CBX5: variants seen among roughly 807,000 people sequenced by gnomAD.
CBX5 encodes the protein chromobox protein homolog 5.
In CBX5, 7 loss-of-function variants were observed where a neutral mutation model predicts 20.7. The observed-to-expected ratio is 0.34, with a 90% CI of 0.19 to 0.63. The LOEUF is 0.63. Ranked by LOEUF, CBX5 falls within the 30% of genes least tolerant of loss-of-function variation. CBX5 has a pLI of 0.75. For synonymous variants in CBX5, 78 were observed against 77.0 expected (o/e 1.01, Z -0.07); for missense variants, 110 against 224.1 (o/e 0.49, Z 3.25).
intron 1 of CBX5, among the ~76,000 whole-genome samples, chr12:54,261,306 T>G (rs932911937): frequency 2.0e-5 from 3 of 151,220 alleles, no homozygotes; most frequent in Non-Finnish European, 4.4e-5. Flanking sequence ...CTTTTTTCTT[T>G]TTTTTTTTTG....
rs530519478 is a variant in CBX5 at position 54,275,641 on chromosome 12, C to T, written c.-43+4367G>A. Among the ~76,000 whole-genome samples, 5 of 152,146 alleles carry T rather than the reference C, an allele frequency of 3.3e-5. 1 individual carries two copies. The highest frequency in any genetic ancestry group is 1.2e-4 in the African/African-American group (5 of 41,496). On this transcript the variant is annotated intron_variant, in intron 1 of 4. Coordinates refer to ENST00000209875, the MANE Select transcript of CBX5 (RefSeq NM_012117.3). ...TAGGATTTCTAACTCTGTGATAGTA[C>T]CAGAATTTCAATGAAAAATTACCCA...
rs761736549 is a variant in CBX5, at chr12:54,240,991, GCA to G, written c.*762_*763del. ...CCTCATGTACTATAGCTACAAATCT[GCA>G]CAGTTAATAATCTTGTCATTTTATC... On this transcript the variant is annotated 3_prime_UTR_variant, in exon 5 of 5. Transcript: ENST00000209875. 1 of 152,224 alleles carries G rather than the reference GCA, an allele frequency of 6.6e-6. No individual in the cohort carries two copies. The highest frequency in any genetic ancestry group is 6.5e-5 in the Admixed American group (1 of 15,278). 9.4% of individuals were successfully genotyped at this position (152,224 alleles called of 1,614,324 possible). A position where few individuals can be genotyped will look rare whatever the true frequency, so the allele number is the denominator to read the frequency against.
intron 2 of CBX5, among the ~76,000 whole-genome samples, chr12:54,254,423 G>A (rs1023099990): frequency 5.9e-5 from 9 of 151,556 alleles, no homozygotes; most frequent in Admixed American, 2.0e-4. Context: ...GCAGAAAGAC[G>A]GAAAAATCTG....
chr12:54,252,409 G>T lies in CBX5; in HGVS notation c.138-182C>A, dbSNP rs1271872867. 16 of 434,796 alleles carry T rather than the reference G, an allele frequency of 3.7e-5. No individual in the cohort carries two copies. In the East Asian group the frequency reaches 6.1e-4, roughly 17 times the overall value. The allele number at this position is 434,796 out of a possible 1,614,324, so 26.9% of individuals were successfully genotyped here. A position where few individuals can be genotyped will look rare whatever the true frequency, so the allele number is the denominator to read the frequency against. ...CAGGAAAAATGAAAAAAAAAAAAAA[G>T]CCCACACAAAGACTTATTTACAATT... On this transcript the variant is annotated intron_variant, in intron 2 of 4. Coordinates refer to ENST00000209875, the MANE Select transcript of CBX5 (RefSeq NM_012117.3).
chr12:54,268,738 T>C (rs538390918), intron 1 of CBX5, among the ~76,000 whole-genome samples: 2 of 152,308 alleles, frequency 1.3e-5, no homozygotes, highest in South Asian at 4.1e-4. Flanking sequence ...AAGGTTGTTA[T>C]AGAAAAGGTA....
chr12:54,242,292 G>A lies in CBX5; in HGVS notation c.426-387C>T, dbSNP rs1361219835. 7.9e-5 allele frequency among the ~76,000 whole-genome samples: 12 copies of A among 152,174 alleles called. No individual in the cohort carries two copies. In the South Asian group the frequency reaches 8.3e-4, roughly 11 times the overall value. On this transcript the variant is annotated intron_variant, in intron 4 of 4. Coordinates refer to ENST00000209875, the MANE Select transcript of CBX5 (RefSeq NM_012117.3). ...TGTAATCCCAGCACTTTGGGAGGCC[G>A]AGGCGGGTGGATCACGAGGTCAGGA...
chr12:54,252,727 G>A (rs1234680529), intron 2 of CBX5, among the ~76,000 whole-genome samples: 5 of 152,152 alleles, frequency 3.3e-5, no homozygotes, highest in African/African-American at 4.8e-5. Flanking sequence ...GCTCACACCT[G>A]TAATCCCAGC....
Position 54,257,683 on chromosome 12 carries a change from C to T in CBX5, c.-33G>A. Reference sequence around the variant, plus strand: ...ACCGTTCCACCTGAAAGACTAAGGCCACCAGGTCCCTGCAAAGGCAAAGGA... The same window carrying T: ...ACCGTTCCACCTGAAAGACTAAGGCTACCAGGTCCCTGCAAAGGCAAAGGA... On this transcript the variant is annotated 5_prime_UTR_variant, in exon 2 of 5. Coordinates refer to ENST00000209875, the MANE Select transcript of CBX5 (RefSeq NM_012117.3). The T allele has an allele frequency of 1.2e-6, 2 of 1,613,458 alleles. No homozygotes were observed. The highest frequency in any genetic ancestry group is 1.7e-6 in the Non-Finnish European group (2 of 1,179,688).
At position 54,231,576 on chromosome 12, in the gene CBX5, A is replaced by G. The variant is rs1174583572; in HGVS notation, c.*10179T>C. ...GGCCAAGGAGAGGGAAAGCAGAAAG[A>G]GCCCTATTGGGAAGAGGAGCTGGCT... On this transcript the variant is annotated 3_prime_UTR_variant, in exon 5 of 5. Coordinates refer to ENST00000209875, the MANE Select transcript of CBX5 (RefSeq NM_012117.3). The G allele has an allele frequency of 6.5e-6, 1 of 153,766 alleles. No homozygotes were observed. Among genetic ancestry groups the G allele is most frequent in the Non-Finnish European group, 1.5e-5 (1 of 68,078 alleles). 9.5% of individuals were successfully genotyped at this position (153,766 alleles called of 1,614,324 possible). A position where few individuals can be genotyped will look rare whatever the true frequency, so the allele number is the denominator to read the frequency against.
intron 1 of CBX5, among the ~76,000 whole-genome samples, chr12:54,259,759 T>C (rs1047029473): frequency 6.6e-6 from 1 of 152,256 alleles, no homozygotes; most frequent in African/African-American, 2.4e-5. Context: ...AAGGTACCTC[T>C]CTTGGCCTCA....
chr12:54,257,631 C>G lies in CBX5; in HGVS notation c.20G>C (p.Arg7Pro), dbSNP rs768714502. ...CTCTGAAGAAGAACTGTCAGCTGTC[C>G]GCTTGGTTTTCTTTCCCATGTCGCA... is the stretch of plus-strand genomic sequence containing the variant. MGKKTK[R>P]TADSSSSEDE... is the part of the protein sequence containing the mutation. The change falls in exon 2 of 5, where the codon CGG (arginine) becomes CCG (proline). Residue 7 changes from arginine (R) to proline (P), a missense_variant. Arg to Pro is a moderately radical substitution (Grantham distance 103). Coordinates refer to ENST00000209875, the MANE Select transcript of CBX5 (RefSeq NM_012117.3). 1 of 1,614,206 alleles carries G rather than the reference C, an allele frequency of 6.2e-7. No individual in the cohort carries two copies. Among genetic ancestry groups the G allele is most frequent in the Non-Finnish European group, 8.5e-7 (1 of 1,180,040 alleles).
chr12:54,269,702 C>T (rs1227894354), intron 1 of CBX5, among the ~76,000 whole-genome samples: 3 of 152,112 alleles, frequency 2.0e-5, no homozygotes, highest in African/African-American at 7.2e-5. Flanking sequence ...CTGGCGTTTT[C>T]TTTGTGGGAT....
At chr12:54,269,622 C>CAG (rs1488243412) in intron 1 of CBX5, among the ~76,000 whole-genome samples, 2 of 152,144 alleles carry the variant, frequency 1.3e-5, no homozygotes, top group Non-Finnish European at 1.5e-5. Flanking sequence ...CTCCTGACCT[C>CAG]GTGATCCACC....
chr12:54,252,257 A>G (rs1016634891), intron 2 of CBX5, 30 bp from the exon 3 acceptor site: 1 of 1,516,236 alleles, frequency 6.6e-7, no homozygotes, highest in Non-Finnish European at 8.9e-7. Context: ...AAATTAAAAA[A>G]AAAAGGGGGG....
intron 3 of CBX5, among the ~76,000 whole-genome samples, chr12:54,251,465 G>T (rs965675709): frequency 4.8e-5 from 7 of 146,252 alleles, no homozygotes; most frequent in African/African-American, 1.5e-4. Context: ...CTTGCAGTGA[G>T]CCAAGATAGT....
chr12:54,257,121 G>T (rs1943868865), intron 2 of CBX5, among the ~76,000 whole-genome samples: 1 of 152,126 alleles, frequency 6.6e-6, no homozygotes, highest in South Asian at 2.1e-4. Flanking sequence ...GCCTCCCAAA[G>T]TGCTGAGATT....
At chr12:54,272,817 C>G (rs537165479) in intron 1 of CBX5, 13 of 152,230 alleles carry the variant, frequency 8.5e-5, no homozygotes, top group African/African-American at 3.1e-4. Context: ...TTCATAAAGT[C>G]TTAGGTCTAG....
chr12:54,263,524 G>A (rs1403588844), intron 1 of CBX5, among the ~76,000 whole-genome samples: 1 of 152,012 alleles, frequency 6.6e-6, no homozygotes. Flanking sequence ...CATGAGGTCA[G>A]GAGTTTGAGA....
In CBX5 at chr12:54,252,116, C is replaced by T. The variant is rs1217320385; in HGVS notation, c.249G>A (p.Glu83=). ...MKEGENNKPR[E]KSESNKRKSN... is the part of the protein sequence containing the mutation. Reference sequence around the variant, plus strand: ...ATTTCCTCTTGTTACTTTCTGACTTCTCCCTGGGTTTATTATTTTCACCCT... The same window carrying T: ...ATTTCCTCTTGTTACTTTCTGACTTTTCCCTGGGTTTATTATTTTCACCCT... The change falls in exon 3 of 5, where the codon GAG becomes GAA. Residue 83 remains glutamate, a synonymous_variant. Transcript: ENST00000209875. The T allele has an allele frequency of 6.2e-7, 1 of 1,612,126 alleles. No individual in the cohort carries two copies.
Sources: gnomAD v4.1 joint callset for allele counts (sites outside exome capture counted in the v4.1 genomes callset) on GRCh38, gnomAD v4.1.1 for gene constraint, MANE v1.5 for transcripts, NCBI Gene and HGNC (gene_info 2026-07-23, HGNC 2026-07-21) for gene names.